The following TMEM87A variants were observed in gnomAD, a reference collection of about 807,000 sequenced individuals.
The protein encoded by TMEM87A is Golgi-pH regulating cation channel.
TMEM87A carries 50 observed loss-of-function variants against 90.0 expected under a neutral mutation model. That is an observed-to-expected ratio of 0.56 (90% confidence interval 0.44 to 0.70). The LOEUF (loss-of-function observed/expected upper bound fraction) is 0.70. Among genes scored for constraint, TMEM87A ranks in the 30% least tolerant of loss-of-function variants. The pLI is 0.00. For missense variants in TMEM87A, 577 were observed against 660.5 expected (o/e 0.87, Z 1.39); for synonymous variants, 226 against 226.7 (o/e 1.00, Z 0.03).
At chr15:42,253,379 T>C (rs541448801) in intron 6 of TMEM87A, among the ~76,000 whole-genome samples, 1 of 152,278 alleles carries the variant, frequency 6.6e-6, no homozygotes, top group South Asian at 2.1e-4. Flanking sequence ...TGCTTGACAG[T>C]CTCTCTATTG....
chr15:42,273,435 C>T, upstream of TMEM87A: 4 of 1,611,948 alleles, frequency 2.5e-6, no homozygotes, highest in South Asian at 4.4e-5. Context: ...AAGCATTTCA[C>T]CCTCTTCCGG....
At position 42,211,759 on chromosome 15, in the gene TMEM87A, A is replaced by C. The variant is rs1223527857; in HGVS notation, c.1627-10T>G. On this transcript the variant is annotated splice_polypyrimidine_tract_variant and intron_variant, in intron 19 of 19. Transcript: ENST00000389834. The stretch of plus-strand genomic sequence containing the variant: ...GTGTGATCATTCGTTCCTAGGGAAA[A>C]AAAAAAAGGTTGAAGTATATTAGGT... 2 of 1,612,196 alleles carry C rather than the reference A, an allele frequency of 1.2e-6. No individual in the cohort carries two copies. The highest frequency in any genetic ancestry group is 3.3e-5 in the Admixed American group (2 of 59,814).
At chr15:42,227,630 TAGA>T (rs1174370340) in intron 14 of TMEM87A, 78 bp downstream of exon 14, 2 of 1,322,084 alleles carry the variant, frequency 1.5e-6, no homozygotes, top group African/African-American at 2.9e-5. Context: ...GTATATAACT[TAGA>T]AGAACCTTAC....
At chr15:42,261,923 C>A (rs563982282) in intron 4 of TMEM87A, among the ~76,000 whole-genome samples, 1 of 152,152 alleles carries the variant, frequency 6.6e-6, no homozygotes, top group Non-Finnish European at 1.5e-5. Context: ...CGTGAGCCAC[C>A]GCGCCCGGCC....
chr15:42,239,290 C>G (rs1284735125), intron 8 of TMEM87A, among the ~76,000 whole-genome samples: 1 of 152,200 alleles, frequency 6.6e-6, no homozygotes, highest in East Asian at 1.9e-4. Context: ...ATCTGCCCGC[C>G]TCAGCTTCCC....
Position 42,236,217 on chromosome 15 carries a change from C to A in TMEM87A, c.968+103G>T, listed in dbSNP as rs1368485499. The A allele has an allele frequency of 6.2e-6, 6 of 973,800 alleles. No individual in the cohort carries two copies. In the African/African-American group the frequency reaches 9.7e-5, roughly 16 times the overall value. 60.3% of individuals were successfully genotyped at this position (973,800 alleles called of 1,614,324 possible). On this transcript the variant is annotated intron_variant, in intron 10 of 19. Transcript: ENST00000389834. ...TACCTTTCTTGTTTCAGAATTATTT[C>A]TTTTATCAACTATTTCAGAACTACT...
chr15:42,242,667 T>C (rs1232787985), intron 7 of TMEM87A, among the ~76,000 whole-genome samples: 1 of 152,180 alleles, frequency 6.6e-6, no homozygotes, highest in Non-Finnish European at 1.5e-5. Flanking sequence ...TGTTAGAAGA[T>C]CAGTTAATTT....
intron 3 of TMEM87A, 123 bp from the exon 4 acceptor site, chr15:42,264,326 T>C (rs746653627): frequency 3.1e-6 from 2 of 636,270 alleles, no homozygotes; most frequent in South Asian, 2.0e-5. Flanking sequence ...ATTTTAAAAA[T>C]GAACAGCATC....
intron 17 of TMEM87A, among the ~76,000 whole-genome samples, chr15:42,219,370 T>C (rs1030937657): frequency 6.6e-6 from 1 of 152,202 alleles, no homozygotes; most frequent in Non-Finnish European, 1.5e-5. Context: ...ACTTCGTTAA[T>C]TGTTTCCTTT....
At chr15:42,227,547 T>C in intron 14 of TMEM87A, 164 bp downstream of exon 14, 2 of 587,188 alleles carry the variant, frequency 3.4e-6, no homozygotes, top group Non-Finnish European at 6.0e-6. Flanking sequence ...AGCACCATGA[T>C]AGTACAGAAT....
At chr15:42,224,029 A>G (rs2050544721) in intron 15 of TMEM87A, among the ~76,000 whole-genome samples, 1 of 152,244 alleles carries the variant, frequency 6.6e-6, no homozygotes, top group Non-Finnish European at 1.5e-5. Flanking sequence ...AGCATGTGCC[A>G]GTGTGTAGTG....
chr15:42,252,183 C>A (rs2051099254), intron 6 of TMEM87A, among the ~76,000 whole-genome samples: 1 of 152,188 alleles, frequency 6.6e-6, no homozygotes, highest in Admixed American at 6.5e-5. Context: ...AAGGGAAATC[C>A]CCCGACCCCT....
chr15:42,230,493 G>C (rs1034791550), intron 12 of TMEM87A, among the ~76,000 whole-genome samples: 1 of 152,130 alleles, frequency 6.6e-6, no homozygotes. Flanking sequence ...ATAAGATAAA[G>C]TCCAAAAACT....
chr15:42,218,444 G>A, intron 17 of TMEM87A, 66 bp from the exon 18 acceptor site: 9 of 1,500,588 alleles, frequency 6.0e-6, no homozygotes, highest in Non-Finnish European at 7.3e-6. Context: ...GTAAGGACAT[G>A]AAGGTCTTAA....
At chr15:42,251,683 A>C (rs1236094646) in intron 6 of TMEM87A, among the ~76,000 whole-genome samples, 1 of 152,214 alleles carries the variant, frequency 6.6e-6, no homozygotes, top group Non-Finnish European at 1.5e-5. Flanking sequence ...GGTGTCTCCC[A>C]GTTAGGCTAC....
chr15:42,230,295 C>T (rs759572885), intron 12 of TMEM87A, among the ~76,000 whole-genome samples: 7 of 152,328 alleles, frequency 4.6e-5, no homozygotes, highest in Non-Finnish European at 1.0e-4. Context: ...TAGAAAGATA[C>T]TAATCTAGAA....
At chr15:42,264,239 C>T (rs767711278) in intron 3 of TMEM87A, 36 bp from the exon 4 acceptor site, 37 of 1,457,076 alleles carry the variant, frequency 2.5e-5, no homozygotes, top group Non-Finnish European at 3.5e-5. Flanking sequence ...GTTAACTCAC[C>T]TTCCAAAAAA....
At chr15:42,268,974 G>A (rs1456048376) in intron 2 of TMEM87A, among the ~76,000 whole-genome samples, 1 of 152,094 alleles carries the variant, frequency 6.6e-6, no homozygotes, top group Non-Finnish European at 1.5e-5. Context: ...CATGGCTGTG[G>A]AAGGTAGAAA....
chr15:42,229,481 A>AAC (rs2050651285), intron 12 of TMEM87A, among the ~76,000 whole-genome samples: 1 of 152,098 alleles, frequency 6.6e-6, no homozygotes, highest in African/African-American at 2.4e-5. Context: ...GAACATGAGT[A>AAC]ACAGGCAAGG....
Sources: allele counts gnomAD v4.1 joint callset (sites outside exome capture counted in the v4.1 genomes callset), GRCh38; gene constraint gnomAD v4.1.1; transcripts MANE v1.5; gene names NCBI Gene and HGNC (gene_info 2026-07-23, HGNC 2026-07-21).